UNC79: variants seen among roughly 807,000 people sequenced by gnomAD.
The protein encoded by UNC79 is unc-79 subunit of NALCN channel complex, also known as protein unc-79 homolog.
Under a neutral mutation model 283.1 loss-of-function variants are expected in UNC79, and 37 were observed. The observed-to-expected ratio is 0.13, with a 90% CI of 0.10 to 0.17. The LOEUF (loss-of-function observed/expected upper bound fraction) is 0.17, where lower values mean the gene tolerates loss of function less well. Among genes scored for constraint, UNC79 ranks in the 10% least tolerant of loss-of-function variants. The pLI, the probability that UNC79 is intolerant of heterozygous loss-of-function variation, is 1.00. For missense variants in UNC79, 2,272 were observed against 3,211.1 expected (o/e 0.71, Z 7.07); for synonymous variants, 1,107 against 1,200.2 (o/e 0.92, Z 1.61).
rs115138706 is a variant in UNC79, at chr14:93,491,699, C to T, written c.712+3944C>T. ...TTTAGTGACTGACAAATTGTAAATT[C>T]TCAATAAATACTGAATCCCTACAAT... On this transcript the variant is annotated intron_variant, in intron 5 of 48. Coordinates refer to ENST00000555664, the Ensembl canonical transcript of UNC79. Among the ~76,000 whole-genome samples, 1,207 of 152,264 alleles carry T rather than the reference C, an allele frequency of 7.9e-3. 13 individuals carry two copies. The highest frequency in any genetic ancestry group is 0.048 in the Middle Eastern group (14 of 294).
chr14:93,699,634 C>T (rs898705458), intron 47 of UNC79, among the ~76,000 whole-genome samples: 1 of 152,092 alleles, frequency 6.6e-6, no homozygotes, highest in African/African-American at 2.4e-5. Context: ...TCACAGTCTG[C>T]CTTCAAGGAA....
At chr14:93,582,472 G>A in intron 20 of UNC79, 128 bp downstream of exon 20, 3 of 1,304,686 alleles carry the variant, frequency 2.3e-6, no homozygotes, top group Non-Finnish European at 3.1e-6. Context: ...GACTCGTGCA[G>A]AGGAACATCT....
rs934240773 is a variant in UNC79 at position 93,502,966 on chromosome 14, A to G, written c.898+5680A>G. 3.9e-5 allele frequency among the ~76,000 whole-genome samples: 6 copies of G among 152,160 alleles called. No homozygotes were observed. In the South Asian group the frequency reaches 6.2e-4, roughly 16 times the overall value. On this transcript the variant is annotated intron_variant, in intron 7 of 48. Coordinates refer to ENST00000555664, the Ensembl canonical transcript of UNC79. Reference sequence around the variant, plus strand: ...CTTAGTTATCTGTTTTATTAACTCAATCTTATCTCTACATAATTAAAAATG... The same window carrying G: ...CTTAGTTATCTGTTTTATTAACTCAGTCTTATCTCTACATAATTAAAAATG...
chr14:93,705,898 G>T (rs952376580), intron 48 of UNC79, among the ~76,000 whole-genome samples: 1 of 152,158 alleles, frequency 6.6e-6, no homozygotes, highest in South Asian at 2.1e-4. Flanking sequence ...AGAAAAATGC[G>T]GCTGTCAACA....
rs1220677449 is a variant in UNC79, at chr14:93,578,067, G to C, written c.2433+4G>C. 1 of 1,613,692 alleles carries C rather than the reference G, an allele frequency of 6.2e-7. No homozygotes were observed. ...GTTTGATCTTCTCCTGAAGCAGGTA[G>C]CTGAAGCATGAGCTTCCTTTAGTTC... On this transcript the variant is annotated splice_donor_region_variant and intron_variant, in intron 18 of 48. Coordinates refer to ENST00000555664, the Ensembl canonical transcript of UNC79.
At chr14:93,347,429 A>G in intron 1 of UNC79, 1 of 1,449,484 alleles carries the variant, frequency 6.9e-7, no homozygotes, top group Non-Finnish European at 9.0e-7. Context: ...GTGGGCGGGA[A>G]GCGCGTGGCC....
In UNC79 at chr14:93,618,278, C is replaced by T. The variant is rs75009052; in HGVS notation, c.4311C>T (p.Ser1437=). The T allele has an allele frequency of 1.6e-3, 2,538 of 1,614,084 alleles. 39 individuals carry two copies. In the African/African-American group the frequency reaches 0.031, roughly 19 times the overall value. The change falls in exon 29 of 49, where the codon AGC becomes AGT. Residue 1437 remains serine (S), a synonymous_variant. Transcript: ENST00000555664. ...ATACACTCAATGCGCAGTATCATAGCTGCAAGCCCCATGCCACGGCAGGAC... is the reference window on the plus strand; with the variant it reads ...ATACACTCAATGCGCAGTATCATAGTTGCAAGCCCCATGCCACGGCAGGAC...
chr14:93,572,132 C>T (rs184660279), intron 15 of UNC79, 48 bp downstream of exon 15: 23 of 1,587,284 alleles, frequency 1.4e-5, no homozygotes, highest in African/African-American at 1.2e-4. Context: ...TCATATCTAA[C>T]GTTTGGTGAG....
At chr14:93,407,045 C>T (rs747235368) in intron 1 of UNC79, among the ~76,000 whole-genome samples, 1 of 152,142 alleles carries the variant, frequency 6.6e-6, no homozygotes, top group Non-Finnish European at 1.5e-5. Flanking sequence ...CTGCATCACT[C>T]CAATTTTTGC....
At chr14:93,590,699 G>A (rs1165551246) in intron 22 of UNC79, among the ~76,000 whole-genome samples, 2 of 152,138 alleles carry the variant, frequency 1.3e-5, no homozygotes, top group African/African-American at 4.8e-5. Flanking sequence ...GACAATGAAA[G>A]GACTTGTGGA....
intron 22 of UNC79, among the ~76,000 whole-genome samples, chr14:93,589,153 A>G (rs973777115): frequency 6.6e-6 from 1 of 152,148 alleles, no homozygotes; most frequent in Non-Finnish European, 1.5e-5. Flanking sequence ...GTTAGCTAGC[A>G]CCAGTTTGCA....
chr14:93,491,299 T>C (rs1181788527), intron 5 of UNC79, among the ~76,000 whole-genome samples: 2 of 151,838 alleles, frequency 1.3e-5, no homozygotes, highest in African/African-American at 4.8e-5. Flanking sequence ...ATTATATAGA[T>C]ATAATTAAAA....
exon 27 of UNC79, chr14:93,612,906 G>A: frequency 6.2e-7 from 1 of 1,614,086 alleles, no homozygotes; most frequent in Non-Finnish European, 8.5e-7. Context: ...TGAAGTTCAT[G>A]GCCAAGGATG....
chr14:93,619,123 A>G (rs1475946475), intron 29 of UNC79, among the ~76,000 whole-genome samples: 1 of 152,244 alleles, frequency 6.6e-6, no homozygotes, highest in Non-Finnish European at 1.5e-5. Context: ...ATACCTCAAA[A>G]GTATAAATTG....
At chr14:93,559,359 C>A (rs970237440) in intron 14 of UNC79, among the ~76,000 whole-genome samples, 7 of 152,210 alleles carry the variant, frequency 4.6e-5, no homozygotes, top group Admixed American at 2.0e-4. Flanking sequence ...GGTTTTTAAT[C>A]TTTTCTGACT....
At chr14:93,357,183 C>T (rs912469639) in intron 1 of UNC79, among the ~76,000 whole-genome samples, 1 of 152,126 alleles carries the variant, frequency 6.6e-6, no homozygotes, top group African/African-American at 2.4e-5. Flanking sequence ...CAGCTCTATC[C>T]ATGTTAGTGC....
chr14:93,447,407 C>T (rs1454091878), intron 1 of UNC79, among the ~76,000 whole-genome samples: 1 of 152,064 alleles, frequency 6.6e-6, no homozygotes, highest in African/African-American at 2.4e-5. Context: ...AGGCCCATAT[C>T]CCTCTTTATT....
In UNC79 at chr14:93,688,686, C is replaced by A. The variant is rs1423989804; in HGVS notation, c.6931C>A (p.Gln2311Lys). The A allele has an allele frequency of 1.9e-6, 3 of 1,613,784 alleles. No individual in the cohort carries two copies. The highest frequency in any genetic ancestry group is 2.5e-6 in the Non-Finnish European group (3 of 1,179,866). The change falls in exon 44 of 49, where the codon CAG becomes AAG. Residue 2311 changes from glutamine (Q) to lysine (K), a missense_variant. By Grantham distance (53) the Gln-to-Lys change is moderately conservative. Transcript: ENST00000555664. The surrounding 1 kb of genome is among the most constrained non-coding windows in gnomAD (Gnocchi z 4.0). Reference sequence around the variant, plus strand: ...GTAGAGCCACATGAAGACATGTTCCCAGCCTCTGCATGAAGATACCTTTGG... The same window carrying A: ...GTAGAGCCACATGAAGACATGTTCCAAGCCTCTGCATGAAGATACCTTTGG...
At chr14:93,700,942 G>T (rs530951473) in intron 47 of UNC79, among the ~76,000 whole-genome samples, 208 of 150,184 alleles carry the variant, frequency 1.4e-3, no homozygotes, top group Non-Finnish European at 2.4e-3. Context: ...TTTATAACTT[G>T]CATGTACTGG....
Sources: gnomAD v4.1 joint callset for allele counts (sites outside exome capture counted in the v4.1 genomes callset) on GRCh38, gnomAD v4.1.1 for gene constraint, Gnocchi (gnomAD v3.1) non-coding constraint, MANE v1.5 for transcripts, NCBI Gene and HGNC (gene_info 2026-07-23, HGNC 2026-07-21) for gene names.